The following CPED1 variants were observed in gnomAD, a reference collection of about 807,000 sequenced individuals.
CPED1 encodes the protein cadherin-like and PC-esterase domain-containing protein 1.
Under a neutral mutation model 128.2 loss-of-function variants are expected in CPED1, and 114 were observed. The observed-to-expected ratio is 0.89, with a 90% CI of 0.76 to 1.04. CPED1 has a LOEUF of 1.04. Ranked by LOEUF, CPED1 falls within the 50% of genes least tolerant of loss-of-function variation. CPED1 has a pLI of 0.00. For synonymous variants in CPED1, 462 were observed against 426.7 expected (o/e 1.08, Z -1.02); for missense variants, 1,211 against 1,207.1 (o/e 1.00, Z -0.05).
chr7:121,112,845 A>G (rs1795146247), intron 7 of CPED1, among the ~76,000 whole-genome samples: 1 of 152,178 alleles, frequency 6.6e-6, no homozygotes, highest in Admixed American at 6.5e-5. Context: ...AAACTGCCAC[A>G]CTAATGAAAT....
intron 7 of CPED1, among the ~76,000 whole-genome samples, chr7:121,107,042 A>G (rs901702865): frequency 6.6e-6 from 1 of 152,130 alleles, no homozygotes; most frequent in Non-Finnish European, 1.5e-5. Context: ...TTAATAGATG[A>G]GCCAGCTAAG....
intron 18 of CPED1, among the ~76,000 whole-genome samples, chr7:121,247,354 T>C (rs905839872): frequency 1.3e-5 from 2 of 152,056 alleles, no homozygotes; most frequent in Non-Finnish European, 2.9e-5. Context: ...GATCCTGTGT[T>C]CAAAATTTAT....
chr7:121,040,786 A>T (rs1454942992), intron 3 of CPED1, among the ~76,000 whole-genome samples: 2 of 152,056 alleles, frequency 1.3e-5, no homozygotes, highest in Admixed American at 1.3e-4. Context: ...AAGGAAAAAA[A>T]CTCAGGAAAT....
At chr7:121,150,648 G>C (rs879600324) in intron 16 of CPED1, among the ~76,000 whole-genome samples, 1 of 152,084 alleles carries the variant, frequency 6.6e-6, no homozygotes, top group Non-Finnish European at 1.5e-5. Context: ...CAGTGGCTGA[G>C]CTAATTTACA....
At chr7:121,191,695 G>A (rs1233700194) in intron 16 of CPED1, among the ~76,000 whole-genome samples, 1 of 152,068 alleles carries the variant, frequency 6.6e-6, no homozygotes. Flanking sequence ...AGAACTCTGA[G>A]AAGTATATCA....
At chr7:121,196,660 A>G (rs1797280554) in intron 16 of CPED1, among the ~76,000 whole-genome samples, 3 of 152,160 alleles carry the variant, frequency 2.0e-5, no homozygotes, top group South Asian at 4.1e-4. Context: ...GACAGCAGGG[A>G]AAATGCTATG....
At chr7:121,252,308 T>A (rs557826371) in intron 18 of CPED1, among the ~76,000 whole-genome samples, 3 of 152,236 alleles carry the variant, frequency 2.0e-5, no homozygotes, top group African/African-American at 4.8e-5. Flanking sequence ...TATACAAAAA[T>A]TAATTCAAGA....
At chr7:121,085,046 C>A (rs1794387027) in intron 5 of CPED1, among the ~76,000 whole-genome samples, 1 of 141,314 alleles carries the variant, frequency 7.1e-6, no homozygotes, top group African/African-American at 2.7e-5. Flanking sequence ...TTCATAAGTA[C>A]AATCCTCTCA....
intron 18 of CPED1, among the ~76,000 whole-genome samples, chr7:121,245,437 A>G (rs1798503552): frequency 6.6e-6 from 1 of 152,140 alleles, no homozygotes; most frequent in East Asian, 1.9e-4. Flanking sequence ...TACACTTTAA[A>G]TCCCACCAGA....
chr7:121,114,083 G>C (rs1795177180), intron 7 of CPED1, among the ~76,000 whole-genome samples: 1 of 152,124 alleles, frequency 6.6e-6, no homozygotes, highest in African/African-American at 2.4e-5. Context: ...ACCTGCCTCA[G>C]CCTCCCAAAG....
intron 21 of CPED1, among the ~76,000 whole-genome samples, chr7:121,270,479 T>C (rs1231337777): frequency 1.3e-5 from 2 of 152,164 alleles, no homozygotes; most frequent in Non-Finnish European, 1.5e-5. Flanking sequence ...TCCAAAATGG[T>C]ATTTCCTAGT....
chr7:121,004,303 C>T (rs1791947900), intron 2 of CPED1, among the ~76,000 whole-genome samples: 1 of 152,174 alleles, frequency 6.6e-6, no homozygotes, highest in South Asian at 2.1e-4. Context: ...TTGAAATGGG[C>T]TTAGAACCTA....
chr7:121,179,093 A>C (rs535767445), intron 16 of CPED1, among the ~76,000 whole-genome samples: 1 of 152,220 alleles, frequency 6.6e-6, no homozygotes, highest in East Asian at 1.9e-4. Context: ...AAGATGTTTC[A>C]AAATGGAGTG....
At chr7:121,217,972 A>G (rs528108519) in intron 16 of CPED1, among the ~76,000 whole-genome samples, 2 of 144,758 alleles carry the variant, frequency 1.4e-5, no homozygotes, top group Admixed American at 1.5e-4. Context: ...TGCAAAATTA[A>G]TTGTGGTTTT....
intron 16 of CPED1, among the ~76,000 whole-genome samples, chr7:121,148,923 A>T (rs543955480): frequency 1.2e-4 from 19 of 152,302 alleles, no homozygotes; most frequent in African/African-American, 4.6e-4. Context: ...GGGCCCCTAA[A>T]ATATCACATG....
rs536179428 is a variant in CPED1, at chr7:121,119,367, A to G, written c.919-4964A>G. ...GCCTTAGTAGAAACGGGGTTTCACC[A>G]TGTTGGTCAGGCTAATCTCCAACTC... On this transcript the variant is annotated intron_variant, in intron 7 of 22. Coordinates refer to ENST00000310396, the MANE Select transcript of CPED1 (RefSeq NM_024913.5). Among the ~76,000 whole-genome samples, 20 of 150,782 alleles carry G rather than the reference A, an allele frequency of 1.3e-4. No individual in the cohort carries two copies. In the South Asian group the frequency reaches 4.2e-3, roughly 32 times the overall value.
chr7:121,134,472 A>C (rs1434198242), intron 13 of CPED1, among the ~76,000 whole-genome samples: 1 of 152,006 alleles, frequency 6.6e-6, no homozygotes, highest in Non-Finnish European at 1.5e-5. Context: ...GAAGGGAAGG[A>C]GGTGGCTAGA....
chr7:121,019,148 A>G (rs1359859442), intron 3 of CPED1, among the ~76,000 whole-genome samples: 1 of 152,030 alleles, frequency 6.6e-6, no homozygotes, highest in Non-Finnish European at 1.5e-5. Flanking sequence ...TTCGAGTCCT[A>G]CATTAGAATA....
intron 22 of CPED1, among the ~76,000 whole-genome samples, chr7:121,278,031 G>A (rs777465271): frequency 6.6e-6 from 1 of 152,056 alleles, no homozygotes; most frequent in Admixed American, 6.6e-5. Flanking sequence ...CATGAAGCAG[G>A]GGAGTCCTTT....
Sources: gnomAD v4.1 joint callset for allele counts (sites outside exome capture counted in the v4.1 genomes callset) on GRCh38, gnomAD v4.1.1 for gene constraint, MANE v1.5 for transcripts, NCBI Gene and HGNC (gene_info 2026-07-23, HGNC 2026-07-21) for gene names.